CDADC1: variants seen among roughly 807,000 people sequenced by gnomAD.
The protein encoded by CDADC1 is cytidine and dCMP deaminase domain containing 1.
A neutral mutation model predicts 54.9 loss-of-function variants in CDADC1; 39 were observed. The observed-to-expected ratio is 0.71, with a 90% confidence interval of 0.55 to 0.93. CDADC1 has a LOEUF of 0.93. Among genes scored for constraint, CDADC1 ranks in the 40% least tolerant of loss-of-function variants. The pLI, the probability that CDADC1 is intolerant of heterozygous loss-of-function variation, is 0.00. For missense variants in CDADC1, 518 were observed against 618.8 expected (o/e 0.84, Z 1.73); for synonymous variants, 186 against 204.0 (o/e 0.91, Z 0.75).
At chr13:49,279,721 A>T (rs1566373412) in intron 7 of CDADC1, among the ~76,000 whole-genome samples, 1 of 152,172 alleles carries the variant, frequency 6.6e-6, no homozygotes, top group Non-Finnish European at 1.5e-5. Context: ...AACAAGGAAG[A>T]TGGATGTGGA....
chr13:49,278,396 A>G lies in CDADC1; in HGVS notation c.1097A>G (p.Tyr366Cys), dbSNP rs1339034524. Reference protein sequence around the residue: ...TGAMYFVGCGYNAFPVGSEYA... With the variant: ...TGAMYFVGCGCNAFPVGSEYA... ...GCCATGTACTTTGTAGGATGTGGTTACAATGCTTTTCCTGTTGGATCTGAG... is the reference window on the plus strand; with the variant it reads ...GCCATGTACTTTGTAGGATGTGGTTGCAATGCTTTTCCTGTTGGATCTGAG... Residue 366 changes from tyrosine (Y) to cysteine (C), a missense_variant, in exon 7 of 10, where the codon TAC becomes TGC. Tyr to Cys is a radical substitution (Grantham distance 194). Transcript: ENST00000251108. 6.2e-7 allele frequency: 1 copy of G among 1,601,650 alleles called. No homozygotes were observed. Among genetic ancestry groups the G allele is most frequent in the Non-Finnish European group, 8.5e-7 (1 of 1,170,790 alleles).
At chr13:49,289,546 C>T (rs1953639027) in intron 9 of CDADC1, among the ~76,000 whole-genome samples, 1 of 152,076 alleles carries the variant, frequency 6.6e-6, no homozygotes, top group African/African-American at 2.4e-5. Flanking sequence ...GGAAATAACA[C>T]AAATGTTTGT....
At chr13:49,278,588 T>A in intron 7 of CDADC1, 69 bp downstream of exon 7, 3 of 1,099,932 alleles carry the variant, frequency 2.7e-6, no homozygotes, top group African/African-American at 1.6e-5. Context: ...AATTTTCTTA[T>A]AATTGTAATT....
chr13:49,283,616 T>C (rs999437502), intron 8 of CDADC1, among the ~76,000 whole-genome samples: 1 of 152,068 alleles, frequency 6.6e-6, no homozygotes, highest in African/African-American at 2.4e-5. Context: ...AGCTTTTCAA[T>C]TGTAAAGAGA....
At chr13:49,288,521 A>T (rs1284184538) in intron 9 of CDADC1, among the ~76,000 whole-genome samples, 1 of 152,192 alleles carries the variant, frequency 6.6e-6, no homozygotes, top group Non-Finnish European at 1.5e-5. Flanking sequence ...GGATTAGTCT[A>T]TTCTGGCCAT....
intron 3 of CDADC1, 88 bp downstream of exon 3, chr13:49,256,001 A>G (rs1266975116): frequency 2.0e-6 from 3 of 1,513,902 alleles, no homozygotes; most frequent in African/African-American, 2.8e-5. Flanking sequence ...CTCCATTTCT[A>G]CTATCAAGGG....
At chr13:49,291,585 A>G (rs1429357570) in intron 9 of CDADC1, 99 bp from the exon 10 acceptor site, 10 of 1,037,474 alleles carry the variant, frequency 9.6e-6, no homozygotes, top group Non-Finnish European at 1.2e-5. Context: ...AGTTCCTTTA[A>G]CTTAAGCATT....
intron 8 of CDADC1, among the ~76,000 whole-genome samples, chr13:49,281,480 C>T (rs1953333068): frequency 6.6e-6 from 1 of 152,170 alleles, no homozygotes; most frequent in South Asian, 2.1e-4. Context: ...AATAGATTCT[C>T]ATAAGGAGCA....
intron 9 of CDADC1, among the ~76,000 whole-genome samples, chr13:49,287,145 A>G (rs1194649520): frequency 1.3e-5 from 2 of 152,186 alleles, no homozygotes; most frequent in Non-Finnish European, 2.9e-5. Flanking sequence ...GAGCCGAGAT[A>G]GCGCCACTGC....
At chr13:49,273,948 T>C (rs949855378) in intron 5 of CDADC1, among the ~76,000 whole-genome samples, 1 of 152,186 alleles carries the variant, frequency 6.6e-6, no homozygotes, top group Admixed American at 6.5e-5. Flanking sequence ...TCAGAAGTAG[T>C]TGTTTAGAAA....
intron 8 of CDADC1, among the ~76,000 whole-genome samples, chr13:49,285,835 A>G (rs1425074003): frequency 2.7e-5 from 4 of 148,214 alleles, no homozygotes; most frequent in Non-Finnish European, 5.9e-5. Flanking sequence ...TTTTTTCAAG[A>G]TGGAGGCTTG....
intron 1 of CDADC1, 152 bp downstream of exon 1, chr13:49,248,271 G>C: frequency 1.5e-6 from 1 of 667,280 alleles, no homozygotes; most frequent in Non-Finnish European, 2.5e-6. Flanking sequence ...TCCCCTCCGC[G>C]GTCGCCAGGA....
In CDADC1 at chr13:49,280,604, A is replaced by G; in HGVS notation, c.1316A>G (p.Lys439Arg). The change falls in exon 8 of 10, where the codon AAA (lysine) becomes AGA (arginine). Residue 439 changes from lysine to arginine, a missense_variant. Coordinates refer to ENST00000251108, the MANE Select transcript of CDADC1 (RefSeq NM_030911.4). ...CCTTTAATTAAAGGTGCAGGCATAAAACAAATCTATGCAGGAGATGTAGAT... is the reference window on the plus strand; with the variant it reads ...CCTTTAATTAAAGGTGCAGGCATAAGACAAATCTATGCAGGAGATGTAGAT... ...CVPLIKGAGI[K>R]QIYAGDVDVG... is the part of the protein sequence containing the mutation. 1 of 1,602,340 alleles carries G rather than the reference A, an allele frequency of 6.2e-7. No homozygotes were observed. Among genetic ancestry groups the G allele is most frequent in the Non-Finnish European group, 8.5e-7 (1 of 1,174,814 alleles).
At chr13:49,287,314 G>T (rs1364376140) in intron 9 of CDADC1, among the ~76,000 whole-genome samples, 1 of 152,100 alleles carries the variant, frequency 6.6e-6, no homozygotes, top group East Asian at 1.9e-4. Flanking sequence ...GAAGTATAAA[G>T]GTCTTAGAAT....
In CDADC1 at chr13:49,267,610, G is replaced by C; in HGVS notation, c.551G>C (p.Ser184Thr). 1.2e-6 allele frequency: 2 copies of C among 1,614,128 alleles called. No homozygotes were observed. Among genetic ancestry groups the C allele is most frequent in the Non-Finnish European group, 1.7e-6 (2 of 1,180,016 alleles). ...GCAGTGGAAAGATTGAAGTCAAACA[G>C]TCGGGCCCATGTGTGTGTCTTACTT... The part of the protein sequence containing the change: ...AKAVERLKSN[S>T]RAHVCVLLQP... The change falls in exon 5 of 10, where the codon AGT becomes ACT. Residue 184 changes from serine to threonine, a missense_variant. Ser to Thr is a moderately conservative substitution (Grantham distance 58). Coordinates refer to ENST00000251108, the MANE Select transcript of CDADC1 (RefSeq NM_030911.4).
intron 8 of CDADC1, among the ~76,000 whole-genome samples, chr13:49,281,933 A>AC (rs1473859248): frequency 7.3e-5 from 3 of 40,992 alleles, no homozygotes; most frequent in Non-Finnish European, 1.6e-4. Flanking sequence ...CCCTCCCCCC[A>AC]CCCCCCAGTA....
chr13:49,287,972 TAAAAAAAA>T (rs779068056), intron 9 of CDADC1, among the ~76,000 whole-genome samples: 6 of 127,184 alleles, frequency 4.7e-5, no homozygotes, highest in African/African-American at 1.4e-4. Flanking sequence ...GACCCTGCCT[TAAAAAAAA>T]AAAAAAAAAA....
chr13:49,249,196 T>C (rs1361659407), intron 2 of CDADC1, among the ~76,000 whole-genome samples: 1 of 152,238 alleles, frequency 6.6e-6, no homozygotes, highest in African/African-American at 2.4e-5. Context: ...GGTATTCATA[T>C]GTCAGTTCGG....
At chr13:49,264,713 C>G (rs56215860) in intron 4 of CDADC1, among the ~76,000 whole-genome samples, 1,609 of 141,746 alleles carry the variant, frequency 0.011, 21 homozygotes, top group African/African-American at 0.04. Context: ...ACAGACTGGT[C>G]TCTATTTAAA....
Sources: allele counts gnomAD v4.1 joint callset (sites outside exome capture counted in the v4.1 genomes callset), GRCh38; gene constraint gnomAD v4.1.1; transcripts MANE v1.5; gene names NCBI Gene and HGNC (gene_info 2026-07-23, HGNC 2026-07-21).